The following GPD2 variants were observed in gnomAD, a reference collection of about 807,000 sequenced individuals.
GPD2 encodes the protein glycerol-3-phosphate dehydrogenase, mitochondrial.
A neutral mutation model predicts 82.4 loss-of-function variants in GPD2; 54 were observed. The observed-to-expected ratio is 0.66, with a 90% CI of 0.53 to 0.82. The LOEUF is 0.82. GPD2 is among the 40% of genes least tolerant of loss of function. GPD2 has a pLI of 0.00. For missense variants in GPD2, 748 were observed against 896.2 expected, an observed-to-expected ratio of 0.83 and a Z score of 2.11; for synonymous variants, 288 against 306.1, an observed-to-expected ratio of 0.94 and a Z score of 0.62.
At chr2:156,422,602 C>T in the GPD2 span, among the ~76,000 whole-genome samples, 4 of 151,476 alleles carry the variant, frequency 2.6e-5, no homozygotes, top group African/African-American at 9.7e-5. Flanking sequence ...TGGTGGCAGG[C>T]ACCTGTAGTC....
the GPD2 span, among the ~76,000 whole-genome samples, chr2:156,406,044 CTT>C: frequency 7.8e-5 from 11 of 140,684 alleles, no homozygotes; most frequent in East Asian, 2.0e-4. Flanking sequence ...AAAGCAATGC[CTT>C]TTTTTTTTTT....
chr2:156,537,501 T>C (rs1225505398), intron 6 of GPD2, among the ~76,000 whole-genome samples: 1 of 152,244 alleles, frequency 6.6e-6, no homozygotes, highest in Non-Finnish European at 1.5e-5. Context: ...CAGCCTTGTA[T>C]AGTTGAAAGT....
chr2:156,505,335 C>A (rs1304874712), intron 3 of GPD2, among the ~76,000 whole-genome samples: 2 of 152,002 alleles, frequency 1.3e-5, no homozygotes, highest in Non-Finnish European at 2.9e-5. Flanking sequence ...TGTTATTCTG[C>A]CTAAGATTTC....
Position 156,510,871 on chromosome 2 carries a change from G to A in GPD2, c.350G>A (p.Gly117Asp), listed in dbSNP as rs1684970111. ...AGCAGAAGCACTAAATTGATCCATG[G>A]TGGTGTGAGATATCTGCAGAAGGCC... ...TSSRSTKLIH[G>D]GVRYLQKAIM... The change falls in exon 4 of 17, where the codon GGT (glycine) becomes GAT (aspartate). Residue 117 changes from glycine (G) to aspartate (D), a missense_variant. Physicochemically the swap from Gly to Asp is moderately conservative, Grantham distance 94. Transcript: ENST00000438166. The A allele has an allele frequency of 6.2e-7, 1 of 1,612,736 alleles. No individual in the cohort carries two copies. The highest frequency in any genetic ancestry group is 8.5e-7 in the Non-Finnish European group (1 of 1,178,768).
chr2:156,572,759 G>C (rs990994698), intron 13 of GPD2, among the ~76,000 whole-genome samples: 1 of 152,154 alleles, frequency 6.6e-6, no homozygotes, highest in Non-Finnish European at 1.5e-5. Context: ...GGCTAGAGGA[G>C]GTGTAAGAAG....
intron 5 of GPD2, 146 bp from the exon 6 acceptor site, chr2:156,513,187 A>G: frequency 1.4e-6 from 1 of 717,220 alleles, no homozygotes. Flanking sequence ...TTGGTGTCAA[A>G]AACAGTTGCA....
intron 1 of GPD2, among the ~76,000 whole-genome samples, chr2:156,448,232 C>CA (rs1682437572): frequency 6.6e-6 from 1 of 151,958 alleles, no homozygotes; most frequent in Non-Finnish European, 1.5e-5. Context: ...CTCAGCCTCC[C>CA]GAGTAGCTGG....
At chr2:156,486,733 C>T (rs1683956711) in intron 2 of GPD2, among the ~76,000 whole-genome samples, 1 of 152,196 alleles carries the variant, frequency 6.6e-6, no homozygotes, top group Non-Finnish European at 1.5e-5. Context: ...CAAAGAATTT[C>T]TGTAAACTAA....
rs201729234 is a variant in GPD2, at chr2:156,447,199, C to CT, written c.-9+10688dup. Among the ~76,000 whole-genome samples, 26 of 152,356 alleles carry CT rather than the reference C, an allele frequency of 1.7e-4. No individual in the cohort carries two copies. In the East Asian group the frequency reaches 4.4e-3, roughly 26 times the overall value. ...TTGCACCTGTGCCCCATTCTGCCCT[C>CT]TTGCTACATGCTCTCTTTCTCCTTT... On this transcript the variant is annotated intron_variant, in intron 1 of 16. Coordinates refer to ENST00000438166, the MANE Select transcript of GPD2 (RefSeq NM_000408.5).
chr2:156,576,970 G>A (rs1176349841), intron 13 of GPD2, among the ~76,000 whole-genome samples: 3 of 152,168 alleles, frequency 2.0e-5, no homozygotes, highest in African/African-American at 7.2e-5. Flanking sequence ...AGTGAAAAAT[G>A]TCCTTGGAGA....
At chr2:156,531,934 C>G (rs908394497) in intron 6 of GPD2, among the ~76,000 whole-genome samples, 4 of 152,050 alleles carry the variant, frequency 2.6e-5, no homozygotes, top group Admixed American at 2.0e-4. Flanking sequence ...GCTGGGGAGG[C>G]AGTCCAAAGA....
chr2:156,440,963 C>A (rs1682146703), intron 1 of GPD2, among the ~76,000 whole-genome samples: 1 of 152,118 alleles, frequency 6.6e-6, no homozygotes, highest in African/African-American at 2.4e-5. Flanking sequence ...CCAGAGGAAC[C>A]AACTATGTAA....
intron 2 of GPD2, among the ~76,000 whole-genome samples, chr2:156,481,037 A>C (rs1317109320): frequency 6.6e-6 from 1 of 151,980 alleles, no homozygotes; most frequent in Non-Finnish European, 1.5e-5. Flanking sequence ...ATTCATAAGC[A>C]ACGGAACAAA....
At chr2:156,532,175 TA>T (rs1228990396) in intron 6 of GPD2, among the ~76,000 whole-genome samples, 1 of 152,052 alleles carries the variant, frequency 6.6e-6, no homozygotes, top group Admixed American at 6.6e-5. Flanking sequence ...TTTTTATTTT[TA>T]AAAAACTCTT....
At position 156,568,941 on chromosome 2, in the gene GPD2, G is replaced by A. The variant is rs1687494851; in HGVS notation, c.1282G>A (p.Gly428Ser). Residue 428 changes from glycine (G) to serine (S), a missense_variant, in exon 10 of 17, where the codon GGC becomes AGC. Transcript: ENST00000438166. ...RNHVVDISES[G>S]LITIAGGKWT... ...TCATGTTGTTGATATCAGTGAGAGTGGCCTTATTACTATAGCAGGTATGAG... is the reference window on the plus strand; with the variant it reads ...TCATGTTGTTGATATCAGTGAGAGTAGCCTTATTACTATAGCAGGTATGAG... 1 of 1,610,218 alleles carries A rather than the reference G, an allele frequency of 6.2e-7. No individual in the cohort carries two copies. Among genetic ancestry groups the A allele is most frequent in the African/African-American group, 1.3e-5 (1 of 74,598 alleles).
rs543656858 is a variant in GPD2 at position 156,550,521 on chromosome 2, T to A, written c.827-81T>A. On this transcript the variant is annotated intron_variant, in intron 7 of 16. Transcript: ENST00000438166. The stretch of plus-strand genomic sequence containing the variant: ...CAGTATACTTCACCATGGGTTAAGT[T>A]AATAGATGAATTAGTAATACACAGC... 18 of 1,393,886 alleles carry A rather than the reference T, an allele frequency of 1.3e-5. No homozygotes were observed. In the East Asian group the frequency reaches 4.1e-4, roughly 32 times the overall value. 86.3% of individuals were successfully genotyped at this position (1,393,886 alleles called of 1,614,324 possible).
chr2:156,522,346 A>G (rs1685440697), intron 6 of GPD2, among the ~76,000 whole-genome samples: 2 of 152,236 alleles, frequency 1.3e-5, no homozygotes, highest in African/African-American at 2.4e-5. Flanking sequence ...TACTCTGTAT[A>G]TAAAAGCTTA....
rs185748321 is a variant in GPD2 at position 156,566,674 on chromosome 2, G to A, written c.1166-2151G>A. ...CTATTGTTAGTAATGCTATGAACAAGGTTGTAAAACTTTTCTCTGCTCCAT... is the reference window on the plus strand; with the variant it reads ...CTATTGTTAGTAATGCTATGAACAAAGTTGTAAAACTTTTCTCTGCTCCAT... On this transcript the variant is annotated intron_variant, in intron 9 of 16. Coordinates refer to ENST00000438166, the MANE Select transcript of GPD2 (RefSeq NM_000408.5). 2.6e-5 allele frequency among the ~76,000 whole-genome samples: 4 copies of A among 152,148 alleles called. No homozygotes were observed. In the East Asian group the frequency reaches 7.7e-4, roughly 29 times the overall value.
chr2:156,492,483 G>A (rs1466386960), intron 2 of GPD2, among the ~76,000 whole-genome samples: 1 of 131,782 alleles, frequency 7.6e-6, no homozygotes, highest in Non-Finnish European at 1.6e-5. Context: ...TTTAACCATT[G>A]TAAAAGACCA....
Sources: gnomAD v4.1 joint callset for allele counts (sites outside exome capture counted in the v4.1 genomes callset) on GRCh38, gnomAD v4.1.1 for gene constraint, MANE v1.5 for transcripts, NCBI Gene and HGNC (gene_info 2026-07-23, HGNC 2026-07-21) for gene names.